Variants in TRIO observed in about 807,000 individuals in gnomAD.
TRIO encodes trio Rho guanine nucleotide exchange factor.
Under a neutral mutation model 351.9 loss-of-function variants are expected in TRIO, and 58 were observed. The observed-to-expected ratio is 0.16, with a 90% CI of 0.13 to 0.21. The LOEUF (loss-of-function observed/expected upper bound fraction) is 0.21. Among genes scored for constraint, TRIO ranks in the 10% least tolerant of loss-of-function variants. TRIO has a pLI of 1.00. For synonymous variants in TRIO, 1,758 were observed against 1,595.7 expected, an observed-to-expected ratio of 1.10 and a Z score of -2.42; for missense variants, 3,201 against 4,027.8, an observed-to-expected ratio of 0.79 and a Z score of 5.56.
Position 14,316,702 on chromosome 5 carries a change from C to A in TRIO, c.1690C>A (p.Gln564Lys). 6.2e-7 allele frequency: 1 copy of A among 1,614,154 alleles called. No homozygotes were observed. Among genetic ancestry groups the A allele is most frequent in the South Asian group, 1.1e-5 (1 of 91,080 alleles). ...IWQHRKVRLH[Q>K]RLQLCVFQQD... ...GCAACACCGCAAGGTCCGGCTGCAT[C>A]AGAGGCTGCAGCTGTGTGTTTTCCA... Residue 564 changes from glutamine (Q) to lysine (K), a missense_variant, in exon 9 of 57, where the codon CAG becomes AAG. Physicochemically the swap from Gln to Lys is moderately conservative, Grantham distance 53. Transcript: ENST00000344204.
intron 15 of TRIO, among the ~76,000 whole-genome samples, chr5:14,365,436 T>C (rs184021640): frequency 6.6e-6 from 1 of 152,294 alleles, no homozygotes; most frequent in East Asian, 1.9e-4. Flanking sequence ...AAGATGCCTC[T>C]GGACCATGAG....
intron 19 of TRIO, among the ~76,000 whole-genome samples, chr5:14,375,678 A>G (rs1745492980): frequency 1.3e-5 from 2 of 151,952 alleles, no homozygotes; most frequent in African/African-American, 4.8e-5. Flanking sequence ...TGGTCAGAGG[A>G]CCCCCAGGAG....
chr5:14,289,187 A>G (rs780805708), intron 4 of TRIO, among the ~76,000 whole-genome samples: 1 of 152,078 alleles, frequency 6.6e-6, no homozygotes, highest in Admixed American at 6.5e-5. Context: ...GGAGTTCGAG[A>G]CAACCTGGCC....
chr5:14,276,866 T>C (rs1274824382), intron 2 of TRIO, among the ~76,000 whole-genome samples: 1 of 152,198 alleles, frequency 6.6e-6, no homozygotes, highest in East Asian at 1.9e-4. Flanking sequence ...TCCTGGAGTT[T>C]TAAGAAGAGG....
intron 36 of TRIO, among the ~76,000 whole-genome samples, chr5:14,463,787 A>G (rs1754012109): frequency 6.6e-6 from 1 of 151,300 alleles, no homozygotes; most frequent in South Asian, 2.1e-4. Flanking sequence ...CAGTACTTGC[A>G]CAGTCACTTG....
intron 9 of TRIO, among the ~76,000 whole-genome samples, chr5:14,323,171 C>T (rs1298297204): frequency 6.8e-6 from 1 of 147,798 alleles, no homozygotes; most frequent in African/African-American, 2.5e-5. Context: ...TCCCCTGGTC[C>T]CCAAAGCCCA....
chr5:14,199,943 A>G (rs1300567033), intron 1 of TRIO, among the ~76,000 whole-genome samples: 1 of 152,208 alleles, frequency 6.6e-6, no homozygotes, highest in Non-Finnish European at 1.5e-5. Context: ...CATAGACAGC[A>G]TTCTCTATGT....
chr5:14,163,409 A>G (rs959713222), intron 1 of TRIO, among the ~76,000 whole-genome samples: 2 of 152,104 alleles, frequency 1.3e-5, no homozygotes, highest in African/African-American at 4.8e-5. Context: ...TTTAGTAGAG[A>G]CGGGGTTTCA....
intron 1 of TRIO, among the ~76,000 whole-genome samples, chr5:14,229,421 GTA>G (rs1793265206): frequency 6.6e-6 from 1 of 152,238 alleles, no homozygotes; most frequent in Non-Finnish European, 1.5e-5. Flanking sequence ...GCCACCTGCA[GTA>G]CTGTTGTAAG....
intron 47 of TRIO, among the ~76,000 whole-genome samples, chr5:14,487,129 C>A (rs551791749): frequency 1.3e-5 from 2 of 152,232 alleles, no homozygotes; most frequent in African/African-American, 4.8e-5. Context: ...TCTTTTTCAC[C>A]CCAGGACTCT....
rs553815914 is a variant in TRIO at position 14,144,904 on chromosome 5, AGGCGGCGGC to A, written c.157+1035_157+1043del. Among the ~76,000 whole-genome samples, 61 of 149,198 alleles carry A rather than the reference AGGCGGCGGC, an allele frequency of 4.1e-4. 2 individuals carry two copies. Among genetic ancestry groups the A allele is most frequent in the Admixed American group, 1.5e-3 (22 of 15,064 alleles). On this transcript the variant is annotated intron_variant, in intron 1 of 56. Coordinates refer to ENST00000344204, the MANE Select transcript of TRIO (RefSeq NM_007118.4). ...GCTGAGCAGCAGCAGGAGGAGGAGG[AGGCGGCGGC>A]GGCGGCGGCGGCCTCGGGGCCGGCA...
rs1787310359 is a variant in TRIO at position 14,143,662 on chromosome 5, G to T, written c.-64G>T. On this transcript the variant is annotated 5_prime_UTR_variant, in exon 1 of 57. Coordinates refer to ENST00000344204, the MANE Select transcript of TRIO (RefSeq NM_007118.4). ...GCGCCGCCAGGCCCGGCGCGGAGCG[G>T]GCGGCACGCGGCGCTAGGGGCGCGG... is the stretch of plus-strand genomic sequence containing the variant. The T allele has an allele frequency of 1.2e-6, 1 of 837,640 alleles. No individual in the cohort carries two copies. The highest frequency in any genetic ancestry group is 6.4e-5 in the Admixed American group (1 of 15,514). 51.9% of individuals were successfully genotyped at this position (837,640 alleles called of 1,614,324 possible).
rs1756985094 is a variant in TRIO, at chr5:14,497,561, C to T, written c.8020-286C>T. On this transcript the variant is annotated intron_variant, in intron 50 of 56. Transcript: ENST00000344204. This position sits in a 1 kb window ranked among gnomAD's most constrained non-coding sequence, Gnocchi z 4.4. ...GCGCCAGGGGCCAGGGCGTTGGCGG[C>T]TCTGCATTAGGAACGCATCTGAGGA... 6.6e-6 allele frequency among the ~76,000 whole-genome samples: 1 copy of T among 152,174 alleles called. No individual in the cohort carries two copies.
At chr5:14,321,919 T>C (rs565557542) in intron 9 of TRIO, among the ~76,000 whole-genome samples, 71 of 152,350 alleles carry the variant, frequency 4.7e-4, no homozygotes, top group African/African-American at 1.7e-3. Context: ...CCTTTGCTTC[T>C]CCTTTGCCTT....
chr5:14,412,498 C>T (rs1416184603), intron 33 of TRIO, among the ~76,000 whole-genome samples: 2 of 152,302 alleles, frequency 1.3e-5, no homozygotes, highest in East Asian at 1.9e-4. Flanking sequence ...TTCAGCCTCC[C>T]GAGGTTGTCC....
chr5:14,308,053 C>T (rs1373453144), intron 8 of TRIO, among the ~76,000 whole-genome samples: 2 of 152,050 alleles, frequency 1.3e-5, no homozygotes, highest in African/African-American at 4.8e-5. Context: ...TTGTACTTTC[C>T]CTGCCTACCC....
At chr5:14,496,481 C>T (rs145927311) in intron 49 of TRIO, among the ~76,000 whole-genome samples, 5 of 152,262 alleles carry the variant, frequency 3.3e-5, no homozygotes, top group Non-Finnish European at 5.9e-5. Flanking sequence ...TTAAGGCCTT[C>T]GGCTCATTGG....
intron 1 of TRIO, among the ~76,000 whole-genome samples, chr5:14,180,472 G>A (rs1789703038): frequency 6.6e-6 from 1 of 152,108 alleles, no homozygotes; most frequent in Admixed American, 6.6e-5. Context: ...TTGTTCCTTT[G>A]TAAGAATCAC....
At chr5:14,393,927 A>G (rs1437494310) in intron 27 of TRIO, 111 bp from the exon 28 acceptor site, 1 of 580,988 alleles carries the variant, frequency 1.7e-6, no homozygotes, top group Admixed American at 3.2e-5. Context: ...TTATTTCAGC[A>G]TGATTAAACA....
Sources: gnomAD v4.1 joint callset for allele counts (sites outside exome capture counted in the v4.1 genomes callset) on GRCh38, gnomAD v4.1.1 for gene constraint, Gnocchi (gnomAD v3.1) non-coding constraint, MANE v1.5 for transcripts, NCBI Gene and HGNC (gene_info 2026-07-23, HGNC 2026-07-21) for gene names.